The following PLCB1 variants were observed in gnomAD, a reference collection of about 807,000 sequenced individuals.
The protein encoded by PLCB1 is phospholipase C beta 1.
In PLCB1, 46 loss-of-function variants were observed where a neutral mutation model predicts 161.8. The observed-to-expected ratio is 0.28, with a 90% CI of 0.22 to 0.36. The LOEUF (loss-of-function observed/expected upper bound fraction) is 0.36. PLCB1 is among the 10% of genes least tolerant of loss of function. PLCB1 has a pLI of 1.00. For missense variants in PLCB1, 1,016 were observed against 1,472.5 expected, an observed-to-expected ratio of 0.69 and a Z score of 5.07; for synonymous variants, 517 against 503.7, an observed-to-expected ratio of 1.03 and a Z score of -0.35.
At chr20:8,189,737 A>G (rs962974267) in intron 2 of PLCB1, among the ~76,000 whole-genome samples, 3 of 152,100 alleles carry the variant, frequency 2.0e-5, no homozygotes, top group Non-Finnish European at 2.9e-5. Flanking sequence ...CAACAGTTGT[A>G]TTATTCACAG....
intron 3 of PLCB1, among the ~76,000 whole-genome samples, chr20:8,400,194 TGAG>T (rs1226823027): frequency 6.6e-6 from 1 of 152,188 alleles, no homozygotes; most frequent in Non-Finnish European, 1.5e-5. Context: ...GATTTTTATC[TGAG>T]GAGGGTGAGA....
At position 8,856,405 on chromosome 20, in the gene PLCB1, C is replaced by T. The variant is rs181310141; in HGVS notation, c.3424-25217C>T. Reference sequence around the variant, plus strand: ...CTGAGGCTGGTGAATCACTTGAGGCCAGGAGTTCGAGACCAGCCTGGCCAA... The same window carrying T: ...CTGAGGCTGGTGAATCACTTGAGGCTAGGAGTTCGAGACCAGCCTGGCCAA... On this transcript the variant is annotated intron_variant, in intron 31 of 31. Coordinates refer to ENST00000338037, the MANE Select transcript of PLCB1 (RefSeq NM_015192.4). Among the ~76,000 whole-genome samples, 6 of 152,122 alleles carry T rather than the reference C, an allele frequency of 3.9e-5. No homozygotes were observed. In the East Asian group the frequency reaches 1.2e-3, roughly 29 times the overall value.
intron 2 of PLCB1, among the ~76,000 whole-genome samples, chr20:8,300,589 G>A (rs1205419245): frequency 6.6e-6 from 1 of 151,972 alleles, no homozygotes; most frequent in Non-Finnish European, 1.5e-5. Flanking sequence ...TGTGCACAAT[G>A]TGCAGGTTTG....
At chr20:8,750,878 C>A in intron 23 of PLCB1, 1 of 1,362,832 alleles carries the variant, frequency 7.3e-7, no homozygotes, top group Non-Finnish European at 9.8e-7. Context: ...TACCTCTTAC[C>A]CATGTGGTGC....
At chr20:8,497,712 G>A (rs1168156520) in intron 3 of PLCB1, among the ~76,000 whole-genome samples, 1 of 151,978 alleles carries the variant, frequency 6.6e-6, no homozygotes, top group Non-Finnish European at 1.5e-5. Context: ...GATTTAAAAA[G>A]CAATAAGATT....
chr20:8,863,301 G>T lies in PLCB1; in HGVS notation c.3424-18321G>T, dbSNP rs543086197. Among the ~76,000 whole-genome samples the T allele has an allele frequency of 1.8e-3, 271 of 152,274 alleles. 1 individual carries two copies. The highest frequency in any genetic ancestry group is 6.2e-3 in the African/African-American group (256 of 41,558). On this transcript the variant is annotated intron_variant, in intron 31 of 31. Transcript: ENST00000338037. ...CACACCTGCATCTGACAATAATCAA[G>T]TATGTTTGGGTTTAGAAAATATTTT...
intron 2 of PLCB1, among the ~76,000 whole-genome samples, chr20:8,286,186 T>C (rs904653008): frequency 6.6e-6 from 1 of 152,082 alleles, no homozygotes; most frequent in African/African-American, 2.4e-5. Flanking sequence ...TTGCCGGGCG[T>C]GGTAGCATAT....
intron 29 of PLCB1, among the ~76,000 whole-genome samples, chr20:8,789,049 C>G (rs1325246844): frequency 6.6e-6 from 1 of 152,184 alleles, no homozygotes; most frequent in Non-Finnish European, 1.5e-5. Flanking sequence ...AGGAACCTGA[C>G]CTTTGTCCAA....
chr20:8,336,725 A>G (rs1985595158), intron 2 of PLCB1, among the ~76,000 whole-genome samples: 1 of 152,232 alleles, frequency 6.6e-6, no homozygotes, highest in Non-Finnish European at 1.5e-5. Flanking sequence ...CTAAATTTCC[A>G]TATAACTTGA....
chr20:8,614,056 C>G (rs1987978593), intron 3 of PLCB1, among the ~76,000 whole-genome samples: 2 of 151,996 alleles, frequency 1.3e-5, no homozygotes, highest in South Asian at 4.1e-4. Flanking sequence ...GGATTATAGC[C>G]TTAACAAACT....
At chr20:8,843,835 A>G (rs1204419974) in intron 31 of PLCB1, among the ~76,000 whole-genome samples, 1 of 152,086 alleles carries the variant, frequency 6.6e-6, no homozygotes, top group East Asian at 1.9e-4. Flanking sequence ...TCTTTTCCAT[A>G]TTTGGTTTTA....
intron 3 of PLCB1, among the ~76,000 whole-genome samples, chr20:8,499,541 A>G (rs1229234645): frequency 6.6e-6 from 1 of 152,216 alleles, no homozygotes; most frequent in Non-Finnish European, 1.5e-5. Context: ...TTGTATTTGT[A>G]TACTCTTGTC....
At chr20:8,153,813 A>G (rs566689551) in intron 2 of PLCB1, among the ~76,000 whole-genome samples, 71 of 152,272 alleles carry the variant, frequency 4.7e-4, no homozygotes, top group African/African-American at 1.7e-3. Flanking sequence ...GGGAAAAGGA[A>G]CACATCATTA....
intron 3 of PLCB1, among the ~76,000 whole-genome samples, chr20:8,562,490 T>C (rs576706069): frequency 1.4e-4 from 22 of 152,232 alleles, no homozygotes; most frequent in African/African-American, 5.3e-4. Context: ...GCCGGTTAAG[T>C]GTTCCTTGCT....
intron 3 of PLCB1, among the ~76,000 whole-genome samples, chr20:8,539,585 G>A (rs76958400): frequency 0.013 from 1,968 of 151,352 alleles, 35 homozygotes; most frequent in African/African-American, 0.042. Context: ...ATTATGCTTG[G>A]AACAGGGTAG....
chr20:8,718,166 G>A (rs1438845433), intron 14 of PLCB1, among the ~76,000 whole-genome samples: 1 of 152,048 alleles, frequency 6.6e-6, no homozygotes, highest in African/African-American at 2.4e-5. Flanking sequence ...GTTGCAGTAA[G>A]ACAAGATCCA....
chr20:8,257,930 A>G (rs1277956614), intron 2 of PLCB1, among the ~76,000 whole-genome samples: 2 of 152,140 alleles, frequency 1.3e-5, no homozygotes, highest in African/African-American at 2.4e-5. Context: ...AAAGGGATAT[A>G]AGACTTAAAG....
At chr20:8,442,050 A>G (rs1437916083) in intron 3 of PLCB1, among the ~76,000 whole-genome samples, 2 of 152,320 alleles carry the variant, frequency 1.3e-5, no homozygotes, top group East Asian at 1.9e-4. Context: ...TAGAAATAAA[A>G]TAATTGAATA....
chr20:8,651,758 G>T (rs1174238788), intron 7 of PLCB1: 4 of 417,652 alleles, frequency 9.6e-6, no homozygotes, highest in Non-Finnish European at 1.7e-5. Flanking sequence ...TAAAAAGAAA[G>T]ACTGGAGAAC....
Sources: allele counts gnomAD v4.1 joint callset (sites outside exome capture counted in the v4.1 genomes callset), GRCh38; gene constraint gnomAD v4.1.1; transcripts MANE v1.5; gene names NCBI Gene and HGNC (gene_info 2026-07-23, HGNC 2026-07-21).